Variants in ABCC12 observed in about 807,000 individuals in gnomAD.
The protein encoded by ABCC12 is ATP-binding cassette sub-family C member 12.
ABCC12 carries 142 observed loss-of-function variants against 151.1 expected under a neutral mutation model. The ratio of observed to expected loss-of-function variants is 0.94; its 90% CI spans 0.82 to 1.08. The LOEUF (loss-of-function observed/expected upper bound fraction) is 1.08, where lower values mean the gene tolerates loss of function less well. ABCC12 is among the 50% of genes least tolerant of loss of function. The probability of loss-of-function intolerance (pLI) is 0.00; values close to 1 mark genes in which losing one functional copy is unlikely to be tolerated. For synonymous variants in ABCC12, 645 were observed against 646.4 expected, an observed-to-expected ratio of 1.00 and a Z score of 0.03; for missense variants, 1,638 against 1,691.1, an observed-to-expected ratio of 0.97 and a Z score of 0.55.
chr16:48,095,134 C>T (rs1291299936), intron 24 of ABCC12, among the ~76,000 whole-genome samples: 1 of 152,204 alleles, frequency 6.6e-6, no homozygotes, highest in Non-Finnish European at 1.5e-5. Context: ...ATAATTCCCA[C>T]GTGTTCTGGG....
intron 8 of ABCC12, among the ~76,000 whole-genome samples, chr16:48,136,873 G>A (rs986165717): frequency 6.6e-6 from 1 of 152,162 alleles, no homozygotes; most frequent in Non-Finnish European, 1.5e-5. Context: ...GTTTCCTAAG[G>A]TTACAGTAAA....
Position 48,091,166 on chromosome 16 carries a change from G to A in ABCC12, c.3239C>T (p.Thr1080Met). 1 of 1,614,132 alleles carries A rather than the reference G, an allele frequency of 6.2e-7. No individual in the cohort carries two copies. The highest frequency in any genetic ancestry group is 8.5e-7 in the Non-Finnish European group (1 of 1,180,014). Residue 1080 changes from threonine (T) to methionine (M), a missense_variant, in exon 25 of 31, where the codon ACG (threonine) becomes ATG (methionine). By Grantham distance (81) the Thr-to-Met change is moderately conservative. Transcript: ENST00000311303. ...LQVCVRTGTE[T>M]QAKFTSVELL... ...CTCCACGGAGGTGAATTTGGCTTGCGTCTCTGTTCCCGTTCGCACACACAC... is the reference window on the plus strand; with the variant it reads ...CTCCACGGAGGTGAATTTGGCTTGCATCTCTGTTCCCGTTCGCACACACAC...
At position 48,128,575 on chromosome 16, in the gene ABCC12, G is replaced by C; in HGVS notation, c.1399C>G (p.Gln467Glu). 6.2e-7 allele frequency: 1 copy of C among 1,614,200 alleles called. No homozygotes were observed. The highest frequency in any genetic ancestry group is 2.2e-5 in the East Asian group (1 of 44,886). ...CTCTCACTGTATGCCTCTGACCTCT[G>C]TTTCTTGCATAAATGCCTTTTCTGG... ...QNQKRHLCKK[Q>E]RSEAYSERSP... Residue 467 changes from glutamine (Q) to glutamate (E), a missense_variant, in exon 11 of 31, where the codon CAG (glutamine) becomes GAG (glutamate). Physicochemically the swap from Gln to Glu is conservative, Grantham distance 29. Transcript: ENST00000311303.
In ABCC12 at chr16:48,088,810, T is replaced by G. The variant is rs1226318881; in HGVS notation, c.3286-76A>C. 7 of 1,302,290 alleles carry G rather than the reference T, an allele frequency of 5.4e-6. No homozygotes were observed. The Admixed American group carries it at 8.9e-5, about 17-fold the overall frequency. 80.7% of individuals were successfully genotyped at this position (1,302,290 alleles called of 1,614,324 possible). The stretch of plus-strand genomic sequence containing the variant: ...TTATTTAACTAATTCATTCATTGAT[T>G]CACACAGTTTCAGGTACTGCTATTC... On this transcript the variant is annotated intron_variant, in intron 25 of 30. Coordinates refer to ENST00000311303, the MANE Select transcript of ABCC12 (RefSeq NM_001393797.1).
chr16:48,088,528 G>A lies in ABCC12; in HGVS notation c.3475+17C>T. The A allele has an allele frequency of 6.2e-7, 1 of 1,604,870 alleles. No individual in the cohort carries two copies. Among genetic ancestry groups the A allele is most frequent in the Non-Finnish European group, 8.5e-7 (1 of 1,174,760 alleles). On this transcript the variant is annotated intron_variant, in intron 26 of 30. Transcript: ENST00000311303. ...AGAAAACAACCCAAAAGAAACAAAA[G>A]CAGAGCTTGTCCTCACCGGAACCTG...
rs1392280378 is a variant in ABCC12 at position 48,083,475 on chromosome 16, T to G, written c.*240A>C. On this transcript the variant is annotated 3_prime_UTR_variant, in exon 31 of 31. Coordinates refer to ENST00000311303, the MANE Select transcript of ABCC12 (RefSeq NM_001393797.1). The stretch of plus-strand genomic sequence containing the variant: ...TGGGGATTTGGGAGGTGAAGGGCAG[T>G]TTTTTAATCCATTAGCTGGGTCTGC... 1 of 467,446 alleles carries G rather than the reference T, an allele frequency of 2.1e-6. No individual in the cohort carries two copies. Among genetic ancestry groups the G allele is most frequent in the Non-Finnish European group, 3.7e-6 (1 of 268,924 alleles). The allele number at this position is 467,446 out of a possible 1,614,324, so 29.0% of individuals were successfully genotyped here. A position where few individuals can be genotyped will look rare whatever the true frequency, so the allele number is the denominator to read the frequency against.
At chr16:48,115,926 G>A (rs1052895332) in intron 14 of ABCC12, among the ~76,000 whole-genome samples, 1 of 152,344 alleles carries the variant, frequency 6.6e-6, no homozygotes, top group African/African-American at 2.4e-5. Flanking sequence ...CCACAGGGAG[G>A]GGCTACGTCA....
At chr16:48,109,787 C>T (rs74018244) in intron 18 of ABCC12, among the ~76,000 whole-genome samples, 2,471 of 152,342 alleles carry the variant, frequency 0.016, 61 homozygotes, top group African/African-American at 0.057. Context: ...CACATTCCCT[C>T]GCAGCCCGCA....
chr16:48,118,401 T>G (rs998077371), intron 13 of ABCC12, among the ~76,000 whole-genome samples: 5 of 152,216 alleles, frequency 3.3e-5, no homozygotes, highest in Non-Finnish European at 5.9e-5. Context: ...CTGCTCAGGA[T>G]GCCTGCAGTG....
At position 48,081,959 on chromosome 16, in the gene ABCC12, T is replaced by A. The variant is rs909489401; in HGVS notation, c.*1756A>T. ...CAGCACAGACTGCCCAGTCTGCTTGTCATATTGGGGAAGTTATCTTATGTC... is the reference window on the plus strand; with the variant it reads ...CAGCACAGACTGCCCAGTCTGCTTGACATATTGGGGAAGTTATCTTATGTC... On this transcript the variant is annotated 3_prime_UTR_variant, in exon 31 of 31. Transcript: ENST00000311303. Among the ~76,000 whole-genome samples the A allele has an allele frequency of 2.0e-5, 3 of 152,098 alleles. No homozygotes were observed. The East Asian group carries it at 5.8e-4, about 29-fold the overall frequency.
intron 12 of ABCC12, among the ~76,000 whole-genome samples, chr16:48,122,777 C>T (rs1278461352): frequency 3.3e-5 from 5 of 152,162 alleles, no homozygotes; most frequent in East Asian, 1.9e-4. Flanking sequence ...GGGTATATTC[C>T]GTGAACTGAA....
Position 48,096,765 on chromosome 16 carries a change from G to C in ABCC12, c.3176C>G (p.Ser1059Ter), listed in dbSNP as rs773415702. The C allele has an allele frequency of 4.3e-6, 7 of 1,613,888 alleles. No individual in the cohort carries two copies. The African/African-American group carries it at 9.3e-5, about 22-fold the overall frequency. The stretch of plus-strand genomic sequence containing the variant: ...CATTACCTGGATGATGTATGACAAT[G>C]ACAGGCCTTTGGATGAAGTACTGAT... ...SSISTSSKGLSLSYIIQLSGL... is the reference protein window; with the variant it reads ...SSISTSSKGL The change falls in exon 24 of 31, where the codon TCA (serine) becomes TGA (stop). Residue 1059 changes from serine to a stop codon, truncating the protein, a stop_gained. Coordinates refer to ENST00000311303, the MANE Select transcript of ABCC12 (RefSeq NM_001393797.1). LOFTEE classifies it high-confidence loss of function.
chr16:48,137,236 G>A (rs1465428707), intron 8 of ABCC12, among the ~76,000 whole-genome samples: 2 of 152,148 alleles, frequency 1.3e-5, no homozygotes, highest in African/African-American at 4.8e-5. Flanking sequence ...CAACAAACTC[G>A]TGGCTATTTT....
rs1964917004 is a variant in ABCC12, at chr16:48,144,046, C to T, written c.139G>A (p.Asp47Asn). The change falls in exon 4 of 31, where the codon GAT becomes AAT. Residue 47 changes from aspartate (D) to asparagine (N), a missense_variant. Asp to Asn is a conservative substitution (Grantham distance 23). Coordinates refer to ENST00000311303, the MANE Select transcript of ABCC12 (RefSeq NM_001393797.1). ...GCGAAGGAGAGTAGCCCGGCATCAT[C>T]CACCGGGTTGGGTGCTAACCTGCAG... ...PCARLAPNPV[D>N]DAGLLSFATF... 2 of 1,613,840 alleles carry T rather than the reference C, an allele frequency of 1.2e-6. No individual in the cohort carries two copies. The highest frequency in any genetic ancestry group is 1.7e-5 in the Admixed American group (1 of 59,972).
Position 48,096,999 on chromosome 16 carries a change from T to C in ABCC12, c.3039-97A>G. ...GCTGTAGACTTAAGGTTAGGGTGAC[T>C]GGAGAAATGAGGCCAAGGAATTTTT... is the stretch of plus-strand genomic sequence containing the variant. On this transcript the variant is annotated intron_variant, in intron 23 of 30. Coordinates refer to ENST00000311303, the MANE Select transcript of ABCC12 (RefSeq NM_001393797.1). 6 of 1,485,704 alleles carry C rather than the reference T, an allele frequency of 4.0e-6. No individual in the cohort carries two copies. In the East Asian group the frequency reaches 9.0e-5, roughly 22 times the overall value. The allele number at this position is 1,485,704 out of a possible 1,614,324, so 92.0% of individuals were successfully genotyped here.
intron 1 of ABCC12, among the ~76,000 whole-genome samples, chr16:48,155,454 G>T (rs976195094): frequency 1.1e-4 from 17 of 150,670 alleles, no homozygotes; most frequent in South Asian, 1.0e-3. Flanking sequence ...TTTTTTTTTG[G>T]GGGGGAGGTA....
intron 15 of ABCC12, among the ~76,000 whole-genome samples, chr16:48,114,773 T>A (rs1221106689): frequency 6.6e-6 from 1 of 152,146 alleles, no homozygotes; most frequent in Non-Finnish European, 1.5e-5. Flanking sequence ...ACGCCTTATG[T>A]GAGACCAATG....
chr16:48,144,109 T>C (rs1431015205), intron 3 of ABCC12, 44 bp from the exon 4 acceptor site: 17 of 1,579,274 alleles, frequency 1.1e-5, no homozygotes, highest in Non-Finnish European at 1.4e-5. Flanking sequence ...ACTGGGGTCA[T>C]TGCCCCAACT....
intron 4 of ABCC12, 60 bp downstream of exon 4, chr16:48,143,850 G>A (rs777573338): frequency 5.2e-6 from 8 of 1,543,164 alleles, no homozygotes; most frequent in Admixed American, 1.9e-5. Flanking sequence ...CCACTCTCAG[G>A]TATTTCCTCA....
Sources: allele counts gnomAD v4.1 joint callset (sites outside exome capture counted in the v4.1 genomes callset), GRCh38; gene constraint gnomAD v4.1.1; transcripts MANE v1.5; gene names NCBI Gene and HGNC (gene_info 2026-07-23, HGNC 2026-07-21).